SYNE2: variants seen among roughly 807,000 people sequenced by gnomAD.
The protein encoded by SYNE2 is nesprin-2.
In SYNE2, 431 loss-of-function variants were observed where a neutral mutation model predicts 856.3. That is an observed-to-expected ratio of 0.50 (90% CI 0.47 to 0.55). The LOEUF (loss-of-function observed/expected upper bound fraction) is 0.55. Ranked by LOEUF, SYNE2 falls within the 20% of genes least tolerant of loss-of-function variation. The pLI is 0.00. For missense variants in SYNE2, 8,129 were observed against 8,023.2 expected, an observed-to-expected ratio of 1.01 and a Z score of -0.50; for synonymous variants, 2,923 against 2,872.3, an observed-to-expected ratio of 1.02 and a Z score of -0.56.
At position 64,031,115 on chromosome 14, in the gene SYNE2, A is replaced by T; in HGVS notation, c.6979A>T (p.Ile2327Phe). ...KQNTSSVGQK[I>F]IKDDIKSLQC... ...AAATACATCTTCAGTGGGGCAGAAG[A>T]TTATTAAAGATGATATAAAATCACT... Residue 2327 changes from isoleucine (I) to phenylalanine (F), a missense_variant, in exon 45 of 116, where the codon ATT becomes TTT. Coordinates refer to ENST00000555002, the MANE Select transcript of SYNE2 (RefSeq NM_182914.3). 6.2e-7 allele frequency: 1 copy of T among 1,614,130 alleles called. No individual in the cohort carries two copies. Among genetic ancestry groups the T allele is most frequent in the Non-Finnish European group, 8.5e-7 (1 of 1,179,998 alleles).
chr14:63,848,624 T>G (rs549546788), upstream of SYNE2, among the ~76,000 whole-genome samples: 15 of 152,380 alleles, frequency 9.8e-5, no homozygotes, highest in African/African-American at 3.1e-4. Context: ...GGACGGACAC[T>G]ACCAGTTTTA....
chr14:64,155,971 C>T (rs1314048506), intron 85 of SYNE2, among the ~76,000 whole-genome samples: 2 of 152,148 alleles, frequency 1.3e-5, no homozygotes, highest in Non-Finnish European at 2.9e-5. Context: ...GGTTACTTAA[C>T]CTCTCTAAGC....
chr14:63,852,402 G>A (rs1890609493), upstream of SYNE2, among the ~76,000 whole-genome samples: 1 of 152,280 alleles, frequency 6.6e-6, no homozygotes, highest in Admixed American at 6.5e-5. Context: ...GATGATGTAT[G>A]TCAGGTCGGA....
intron 60 of SYNE2, among the ~76,000 whole-genome samples, chr14:64,091,950 C>G (rs1371098552): frequency 6.6e-6 from 1 of 152,044 alleles, no homozygotes; most frequent in Non-Finnish European, 1.5e-5. Context: ...TTGGTGGCCA[C>G]TCTGTTCTCC....
chr14:63,899,360 C>A (rs1285795354), intron 1 of SYNE2, among the ~76,000 whole-genome samples: 1 of 152,176 alleles, frequency 6.6e-6, no homozygotes, highest in Admixed American at 6.5e-5. Context: ...TGCCACCACA[C>A]CCAGCTAATT....
At position 64,026,564 on chromosome 14, in the gene SYNE2, T is replaced by A. The variant is rs749341565; in HGVS notation, c.6253-15T>A. 4.4e-6 allele frequency: 7 copies of A among 1,604,324 alleles called. No homozygotes were observed. The South Asian group carries it at 6.6e-5, about 15-fold the overall frequency. The stretch of plus-strand genomic sequence containing the variant: ...AATGCAAATGACATTATAAAATCTC[T>A]TTTATTTAATTCAGGAAATCATTTT... On this transcript the variant is annotated splice_polypyrimidine_tract_variant and intron_variant, in intron 41 of 115. Coordinates refer to ENST00000555002, the MANE Select transcript of SYNE2 (RefSeq NM_182914.3).
At chr14:64,225,129 T>C in intron 115 of SYNE2, 84 bp downstream of exon 115, 2 of 1,574,100 alleles carry the variant, frequency 1.3e-6, no homozygotes, top group African/African-American at 2.7e-5. Flanking sequence ...ACTATCAAGG[T>C]CCTTGCAAAA....
rs751525888 is a variant in SYNE2 at position 64,126,716 on chromosome 14, A to C, written c.13826A>C (p.Asn4609Thr). The C allele has an allele frequency of 1.2e-5, 19 of 1,614,032 alleles. No individual in the cohort carries two copies. The Middle Eastern group carries it at 6.6e-4, about 56-fold the overall frequency. Residue 4609 changes from asparagine (N) to threonine (T), a missense_variant, in exon 73 of 116, where the codon AAC becomes ACC. Asn to Thr is a moderately conservative substitution (Grantham distance 65, BLOSUM62 0). Coordinates refer to ENST00000555002, the MANE Select transcript of SYNE2 (RefSeq NM_182914.3). The part of the protein sequence containing the change: ...NTNLLLECFD[N>T]LQVCLEHTQA... ...AACTTGCTCCTTGAATGTTTTGACA[A>C]CCTTCAAGTCTGCCTGGAGCACACT...
intron 53 of SYNE2, chr14:64,075,597 C>CT (rs58200430): frequency 0.033 from 5,415 of 163,828 alleles, 103 homozygotes; most frequent in East Asian, 0.067. Flanking sequence ...TTCTTTGAAA[C>CT]TTTTTTTTTT....
chr14:64,056,175 A>C lies in SYNE2; in HGVS notation c.9976A>C (p.Lys3326Gln), dbSNP rs747991604. 6.8e-6 allele frequency: 11 copies of C among 1,614,068 alleles called. No homozygotes were observed. In the Admixed American group the frequency reaches 1.8e-4, roughly 27 times the overall value. The stretch of plus-strand genomic sequence containing the variant: ...GGGAATGATATCCAGCCCCGAAGCC[A>C]AACTACAACTTCAGTATACTTTACA... ...KLGMISSPEAKLQLQYTLQEL... is the reference protein window; with the variant it reads ...KLGMISSPEAQLQLQYTLQEL... The change falls in exon 49 of 116, where the codon AAA becomes CAA. Residue 3326 changes from lysine to glutamine, a missense_variant. Lys to Gln is a moderately conservative substitution (Grantham distance 53). Around this residue, in one of 3 missense-constraint regions of SYNE2, gnomAD observed 5,410 missense variants for 5,284.8 expected, o/e 1.02. Transcript: ENST00000555002.
intron 1 of SYNE2, among the ~76,000 whole-genome samples, chr14:63,774,014 G>A (rs1358282726): frequency 2.0e-5 from 3 of 152,240 alleles, no homozygotes; most frequent in Non-Finnish European, 4.4e-5. Flanking sequence ...ACTAGAAGAC[G>A]TTTCCCTCAT....
At chr14:64,168,626 C>A (rs944336794) in intron 92 of SYNE2, among the ~76,000 whole-genome samples, 3 of 152,116 alleles carry the variant, frequency 2.0e-5, no homozygotes, top group Non-Finnish European at 4.4e-5. Context: ...TTTTACAGTG[C>A]CTACCAAATC....
At position 64,090,962 on chromosome 14, in the gene SYNE2, C is replaced by T. The variant is rs1247543795; in HGVS notation, c.11890C>T (p.Leu3964=). The change falls in exon 60 of 116, where the codon CTG becomes TTG. Residue 3964 remains leucine (L), a synonymous_variant. Transcript: ENST00000555002. ...LRLPQTGMKP[L]PVFQRTNQLL... ...GTTGCCCCAAACAGGAATGAAACCT[C>T]TGCCTGTGTTTCAGCGGACAAATCA... 6.2e-7 allele frequency: 1 copy of T among 1,614,104 alleles called. No individual in the cohort carries two copies. Among genetic ancestry groups the T allele is most frequent in the Non-Finnish European group, 8.5e-7 (1 of 1,179,962 alleles).
At chr14:63,937,090 C>T (rs1232651453) in intron 2 of SYNE2, among the ~76,000 whole-genome samples, 2 of 152,042 alleles carry the variant, frequency 1.3e-5, no homozygotes, top group African/African-American at 4.8e-5. Context: ...TGAGAATAGA[C>T]CATTGGTTTT....
chr14:63,944,830 T>TTTTTTTTTTTTTTTTTTTTTG (rs2095998055), intron 6 of SYNE2, among the ~76,000 whole-genome samples: 1 of 129,010 alleles, frequency 7.8e-6, no homozygotes, highest in Non-Finnish European at 1.6e-5. Flanking sequence ...AAAGCTTTTT[T>TTTTTTTTTTTTTTTTTTTTTG]TTTTTTTTTT....
chr14:63,997,105 T>C lies in SYNE2; in HGVS notation c.3099T>C (p.Ala1033=). Reference sequence around the variant, plus strand: ...AGATAGAAAGACTTCTGAAATGTGCTTCCGAGATTCATATGACACTGCAGC... The same window carrying C: ...AGATAGAAAGACTTCTGAAATGTGCCTCCGAGATTCATATGACACTGCAGC... The part of the protein sequence containing the change: ...EQKIERLLKC[A]SEIHMTLQPT... The change falls in exon 24 of 116, where the codon GCT becomes GCC. Residue 1033 remains alanine, a synonymous_variant. Transcript: ENST00000555002. 1 of 1,614,140 alleles carries C rather than the reference T, an allele frequency of 6.2e-7. No individual in the cohort carries two copies. Among genetic ancestry groups the C allele is most frequent in the Admixed American group, 1.7e-5 (1 of 60,010 alleles).
chr14:64,017,473 A>G, intron 33 of SYNE2, 122 bp from the exon 34 acceptor site: 1 of 796,980 alleles, frequency 1.3e-6, no homozygotes, highest in Non-Finnish European at 2.1e-6. Context: ...TTGTTGATGA[A>G]TAAAGCAGAT....
In SYNE2 at chr14:63,949,744, T is replaced by C. The variant is rs914434372; in HGVS notation, c.409-81T>C. ...TGACTGTCACAGGATGCTTTTTAGG[T>C]CTCTATTTTGACTGGAAATTTTGGC... is the stretch of plus-strand genomic sequence containing the variant. On this transcript the variant is annotated intron_variant, in intron 6 of 115. Coordinates refer to ENST00000555002, the MANE Select transcript of SYNE2 (RefSeq NM_182914.3). The C allele has an allele frequency of 2.1e-6, 3 of 1,410,718 alleles. No homozygotes were observed. The African/African-American group carries it at 4.2e-5, about 20-fold the overall frequency. The allele number at this position is 1,410,718 out of a possible 1,614,324, so 87.4% of individuals were successfully genotyped here.
At chr14:63,812,109 G>T (rs981979274) in intron 1 of SYNE2, among the ~76,000 whole-genome samples, 1 of 152,118 alleles carries the variant, frequency 6.6e-6, no homozygotes, top group Non-Finnish European at 1.5e-5. Flanking sequence ...AAGCCTGAGG[G>T]TACTGCAGGA....
Sources: allele counts gnomAD v4.1 joint callset (sites outside exome capture counted in the v4.1 genomes callset), GRCh38; gene constraint gnomAD v4.1.1; regional missense constraint gnomAD v4.1.1; transcripts MANE v1.5; gene names NCBI Gene and HGNC (gene_info 2026-07-23, HGNC 2026-07-21).